The following CDH12 variants were observed in gnomAD, a reference collection of about 807,000 sequenced individuals.
CDH12 encodes cadherin 12, also known as cadherin-12.
In CDH12, 41 loss-of-function variants were observed where a neutral mutation model predicts 74.1. That is an observed-to-expected ratio of 0.55 (90% CI 0.43 to 0.72). CDH12 has a LOEUF of 0.72. Ranked by LOEUF, CDH12 falls within the 30% of genes least tolerant of loss-of-function variation. The pLI is 0.00. For synonymous variants in CDH12, 399 were observed against 355.0 expected (o/e 1.12, Z -1.39); for missense variants, 945 against 977.2 (o/e 0.97, Z 0.44).
chr5:21,844,995 GTAGGTAGA>G (rs1280785557), intron 7 of CDH12, among the ~76,000 whole-genome samples: 1 of 107,646 alleles, frequency 9.3e-6, no homozygotes, highest in Non-Finnish European at 1.9e-5. Context: ...GACTACTGAG[GTAGGTAGA>G]TAGATAGATA....
intron 1 of CDH12, among the ~76,000 whole-genome samples, chr5:22,827,968 T>A (rs1426019449): frequency 6.6e-6 from 1 of 152,170 alleles, no homozygotes; most frequent in Non-Finnish European, 1.5e-5. Context: ...TTAATAAAAA[T>A]TATTTAAAAA....
chr5:22,700,212 A>T (rs1223847462), intron 1 of CDH12, among the ~76,000 whole-genome samples: 1 of 152,134 alleles, frequency 6.6e-6, no homozygotes, highest in Admixed American at 6.6e-5. Flanking sequence ...CATGCTGACA[A>T]ATTAAAACTC....
chr5:22,468,181 A>C (rs1745810820), intron 2 of CDH12, among the ~76,000 whole-genome samples: 1 of 152,238 alleles, frequency 6.6e-6, no homozygotes, highest in African/African-American at 2.4e-5. Flanking sequence ...CCAGCTTCAC[A>C]GAACTAAAGT....
At chr5:22,210,886 A>G (rs1001179285) in intron 4 of CDH12, among the ~76,000 whole-genome samples, 2 of 152,222 alleles carry the variant, frequency 1.3e-5, no homozygotes, top group African/African-American at 4.8e-5. Flanking sequence ...TGTAGTCAAC[A>G]CATTCTTCTC....
At chr5:21,846,952 G>A (rs1312376259) in intron 7 of CDH12, among the ~76,000 whole-genome samples, 1 of 152,086 alleles carries the variant, frequency 6.6e-6, no homozygotes, top group African/African-American at 2.4e-5. Context: ...ACTGGCAGAT[G>A]AACAATGGGT....
intron 1 of CDH12, among the ~76,000 whole-genome samples, chr5:22,674,921 A>G (rs1425088273): frequency 6.6e-6 from 1 of 152,192 alleles, no homozygotes; most frequent in Admixed American, 6.5e-5. Context: ...GGGTGCTGTT[A>G]AAGGCATTCT....
At chr5:22,378,057 T>G (rs114393595) in intron 3 of CDH12, among the ~76,000 whole-genome samples, 1,820 of 152,284 alleles carry the variant, frequency 0.012, 35 homozygotes, top group African/African-American at 0.04. Flanking sequence ...TTTTTCCTCT[T>G]ACTACTTATA....
At chr5:22,824,857 T>C (rs1749931430) in intron 1 of CDH12, among the ~76,000 whole-genome samples, 1 of 151,754 alleles carries the variant, frequency 6.6e-6, no homozygotes, top group Admixed American at 6.6e-5. Flanking sequence ...CCAAAATTAA[T>C]ATATATGTGT....
intron 1 of CDH12, among the ~76,000 whole-genome samples, chr5:22,747,677 A>G (rs553354045): frequency 6.6e-6 from 1 of 152,110 alleles, no homozygotes; most frequent in South Asian, 2.1e-4. Context: ...CTTATAGCTA[A>G]AGTTGCATTT....
intron 3 of CDH12, among the ~76,000 whole-genome samples, chr5:22,223,864 G>A (rs1210280942): frequency 6.6e-6 from 1 of 151,922 alleles, no homozygotes; most frequent in Non-Finnish European, 1.5e-5. Flanking sequence ...TATTATCAGG[G>A]CAATTGAGCC....
chr5:21,885,149 A>C lies in CDH12; in HGVS notation c.527-30359T>G, dbSNP rs138061668. Among the ~76,000 whole-genome samples the C allele has an allele frequency of 6.9e-3, 1,056 of 152,256 alleles. 11 individuals carry two copies. The highest frequency in any genetic ancestry group is 0.024 in the African/African-American group (999 of 41,552). ...TGATCCACTTGTCTCAGCCTCCCAA[A>C]GTGCTGGGATTACAGAGATGAGCCA... On this transcript the variant is annotated intron_variant, in intron 6 of 14. Coordinates refer to ENST00000382254, the MANE Select transcript of CDH12 (RefSeq NM_004061.5).
At chr5:22,843,646 G>A (rs930624752) in intron 1 of CDH12, among the ~76,000 whole-genome samples, 1 of 150,202 alleles carries the variant, frequency 6.7e-6, no homozygotes, top group African/African-American at 2.5e-5. Flanking sequence ...GTGTGTGTGT[G>A]TATGCATACA....
intron 7 of CDH12, among the ~76,000 whole-genome samples, chr5:21,846,562 A>T (rs964705915): frequency 1.3e-5 from 2 of 151,932 alleles, no homozygotes; most frequent in African/African-American, 4.8e-5. Context: ...TTATTTTGTG[A>T]TATCTTTTCT....
intron 10 of CDH12, among the ~76,000 whole-genome samples, chr5:21,798,430 T>C (rs1746918883): frequency 6.6e-6 from 1 of 152,168 alleles, no homozygotes; most frequent in Non-Finnish European, 1.5e-5. Context: ...GCTCAGTAAT[T>C]GTTATACTTA....
At chr5:22,057,894 T>G (rs915547663) in intron 5 of CDH12, among the ~76,000 whole-genome samples, 2 of 152,144 alleles carry the variant, frequency 1.3e-5, no homozygotes, top group Admixed American at 1.3e-4. Flanking sequence ...GGATTCACAA[T>G]GAAAGTCGCT....
intron 1 of CDH12, among the ~76,000 whole-genome samples, chr5:22,824,736 AAGAT>A (rs1171415925): frequency 1.3e-5 from 2 of 151,850 alleles, no homozygotes; most frequent in African/African-American, 4.8e-5. Flanking sequence ...ATTACAAAAT[AAGAT>A]AGAGAAAAAA....
chr5:22,558,458 A>T (rs1738900444), intron 1 of CDH12, among the ~76,000 whole-genome samples: 1 of 152,110 alleles, frequency 6.6e-6, no homozygotes, highest in Non-Finnish European at 1.5e-5. Context: ...CTTCTAGAAG[A>T]CTCCTAACAA....
chr5:22,244,727 AAAAGAAAGAAAGAAAAGAAAGAAAG>A (rs1752871183), intron 3 of CDH12, among the ~76,000 whole-genome samples: 2 of 136,138 alleles, frequency 1.5e-5, no homozygotes, highest in African/African-American at 2.8e-5. Context: ...GAGAGAAAGA[AAAAGAAAGAAAGAAAAGAAAGAAAG>A]AAAGAAAGAA....
At chr5:22,528,007 C>T (rs1458034902) in intron 1 of CDH12, among the ~76,000 whole-genome samples, 1 of 152,132 alleles carries the variant, frequency 6.6e-6, no homozygotes, top group African/African-American at 2.4e-5. Flanking sequence ...TCCTGGATTT[C>T]TGTCTGTATA....
Sources: allele counts gnomAD v4.1 joint callset (sites outside exome capture counted in the v4.1 genomes callset), GRCh38; gene constraint gnomAD v4.1.1; transcripts MANE v1.5; gene names NCBI Gene and HGNC (gene_info 2026-07-23, HGNC 2026-07-21).